SOX5: variants seen among roughly 807,000 people sequenced by gnomAD.
SOX5 encodes transcription factor SOX-5.
Under a neutral mutation model 92.0 loss-of-function variants are expected in SOX5, and 9 were observed. That is an observed-to-expected ratio of 0.10 (90% confidence interval 0.06 to 0.17). SOX5 has a LOEUF of 0.17. Ranked by LOEUF, SOX5 falls within the 10% of genes least tolerant of loss-of-function variation. SOX5 has a pLI of 1.00. For synonymous variants in SOX5, 344 were observed against 336.3 expected, an observed-to-expected ratio of 1.02 and a Z score of -0.25; for missense variants, 642 against 944.5, an observed-to-expected ratio of 0.68 and a Z score of 4.20.
intron 3 of SOX5, among the ~76,000 whole-genome samples, chr12:24,274,008 G>C (rs1332211868): frequency 6.6e-6 from 1 of 152,070 alleles, no homozygotes; most frequent in Non-Finnish European, 1.5e-5. Context: ...TTGGAAAATG[G>C]TTGAGGCTTA....
At chr12:24,186,672 A>G (rs1009222259) in intron 4 of SOX5, among the ~76,000 whole-genome samples, 2 of 152,156 alleles carry the variant, frequency 1.3e-5, no homozygotes, top group Non-Finnish European at 2.9e-5. Flanking sequence ...TAAAAAAAGT[A>G]TATGCCCTTA....
chr12:24,178,236 G>T (rs1955042658), intron 4 of SOX5, among the ~76,000 whole-genome samples: 1 of 129,442 alleles, frequency 7.7e-6, no homozygotes, highest in Non-Finnish European at 1.6e-5. Flanking sequence ...AACAAAACAA[G>T]AGCTTGACTT....
intron 1 of SOX5, among the ~76,000 whole-genome samples, chr12:24,375,280 T>C (rs1319368928): frequency 6.6e-5 from 10 of 151,894 alleles, no homozygotes; most frequent in Non-Finnish European, 1.5e-5. Flanking sequence ...GCAAGAGTGG[T>C]GTCTCTTTAC....
intron 1 of SOX5, among the ~76,000 whole-genome samples, chr12:24,373,352 T>A (rs546751667): frequency 6.6e-6 from 1 of 152,362 alleles, no homozygotes; most frequent in Non-Finnish European, 1.5e-5. Context: ...TTGCTCAAAA[T>A]GACCAAGTTA....
chr12:23,789,696 C>T (rs947709384), intron 3 of SOX5, among the ~76,000 whole-genome samples: 3 of 151,900 alleles, frequency 2.0e-5, no homozygotes, highest in Admixed American at 2.0e-4. Context: ...TACAAATATG[C>T]CAACCTCAAT....
chr12:24,023,704 T>C (rs1472891978), intron 4 of SOX5, among the ~76,000 whole-genome samples: 1 of 152,130 alleles, frequency 6.6e-6, no homozygotes, highest in Non-Finnish European at 1.5e-5. Context: ...TCCCCATTAA[T>C]TGATCAATTA....
intron 1 of SOX5, among the ~76,000 whole-genome samples, chr12:23,946,397 T>G (rs1944594944): frequency 6.6e-6 from 1 of 151,954 alleles, no homozygotes; most frequent in Non-Finnish European, 1.5e-5. Flanking sequence ...ACAAAACTAT[T>G]ATGTTACAAC....
At chr12:24,031,214 T>TATATAC (rs397829172) in intron 4 of SOX5, among the ~76,000 whole-genome samples, 8 of 151,336 alleles carry the variant, frequency 5.3e-5, no homozygotes, top group Admixed American at 4.6e-4. Context: ...TATATATATA[T>TATATAC]ACACAAAGGA....
chr12:23,711,469 CA>C (rs1307327579), intron 6 of SOX5, among the ~76,000 whole-genome samples: 1 of 152,092 alleles, frequency 6.6e-6, no homozygotes, highest in African/African-American at 2.4e-5. Context: ...GCCAAATCAA[CA>C]ATGTTGCTAC....
intron 4 of SOX5, among the ~76,000 whole-genome samples, chr12:24,114,211 C>CA (rs1357999038): frequency 2.7e-5 from 4 of 150,724 alleles, no homozygotes; most frequent in Admixed American, 6.6e-5. Flanking sequence ...ACAAAATTTT[C>CA]AAAAAAAAGT....
intron 4 of SOX5, among the ~76,000 whole-genome samples, chr12:24,096,172 G>T (rs1342907099): frequency 6.6e-6 from 1 of 151,904 alleles, no homozygotes; most frequent in Non-Finnish European, 1.5e-5. Flanking sequence ...GAACATGCAG[G>T]TTTGTTATAT....
intron 4 of SOX5, among the ~76,000 whole-genome samples, chr12:24,014,699 GA>G (rs1953370602): frequency 6.6e-6 from 1 of 152,164 alleles, no homozygotes; most frequent in Non-Finnish European, 1.5e-5. Flanking sequence ...TTGGAAAAAA[GA>G]GTAGAAAAGT....
intron 1 of SOX5, among the ~76,000 whole-genome samples, chr12:24,533,893 G>A (rs776187773): frequency 6.6e-5 from 10 of 152,138 alleles, no homozygotes; most frequent in African/African-American, 1.4e-4. Context: ...GGAGACAGTC[G>A]TTAGTGTGCA....
chr12:23,603,178 T>A (rs1288028341), intron 9 of SOX5, among the ~76,000 whole-genome samples: 2 of 151,928 alleles, frequency 1.3e-5, no homozygotes, highest in South Asian at 4.1e-4. Context: ...AAATGATTGA[T>A]TGATCCCTTC....
intron 6 of SOX5, among the ~76,000 whole-genome samples, chr12:23,683,359 G>C (rs2139853149): frequency 6.6e-6 from 1 of 151,876 alleles, no homozygotes; most frequent in Admixed American, 6.6e-5. Context: ...ATTTCAAAAA[G>C]AAAACTGGTG....
chr12:24,143,548 C>T (rs574785595), intron 4 of SOX5, among the ~76,000 whole-genome samples: 1 of 151,974 alleles, frequency 6.6e-6, no homozygotes, highest in Non-Finnish European at 1.5e-5. Context: ...ACAAGGTTCC[C>T]AAGGACAAAA....
chr12:23,960,498 CATAT>C (rs931803737), intron 4 of SOX5, among the ~76,000 whole-genome samples: 11 of 131,792 alleles, frequency 8.3e-5, no homozygotes, highest in African/African-American at 2.4e-4. Context: ...TATTTATATA[CATAT>C]ATATTTATAT....
intron 4 of SOX5, among the ~76,000 whole-genome samples, chr12:24,016,070 G>A (rs1256609071): frequency 6.6e-6 from 1 of 152,174 alleles, no homozygotes; most frequent in Non-Finnish European, 1.5e-5. Flanking sequence ...ATTTCACAAT[G>A]AGGATCATCA....
At chr12:24,216,757 ATCTCT>A (rs1412088519) in intron 3 of SOX5, among the ~76,000 whole-genome samples, 4 of 152,112 alleles carry the variant, frequency 2.6e-5, no homozygotes, top group African/African-American at 7.2e-5. Context: ...GCAAAACCCC[ATCTCT>A]ACCAAAAATA....
Sources: allele counts gnomAD v4.1 joint callset (sites outside exome capture counted in the v4.1 genomes callset), GRCh38; gene constraint gnomAD v4.1.1; transcripts MANE v1.5; gene names NCBI Gene and HGNC (gene_info 2026-07-23, HGNC 2026-07-21).